FIBCD1: variants seen among roughly 807,000 people sequenced by gnomAD.
FIBCD1 encodes fibrinogen C domain-containing protein 1.
Under a neutral mutation model 45.1 loss-of-function variants are expected in FIBCD1, and 47 were observed. The ratio of observed to expected loss-of-function variants is 1.04; its 90% CI spans 0.82 to 1.33. The LOEUF (loss-of-function observed/expected upper bound fraction) is 1.33, where lower values mean the gene tolerates loss of function less well. FIBCD1 is among the 40% of genes most tolerant of loss of function. The pLI, the probability that FIBCD1 is intolerant of heterozygous loss-of-function variation, is 0.00. For synonymous variants in FIBCD1, 313 were observed against 308.1 expected (o/e 1.02, Z -0.17); for missense variants, 653 against 682.2 (o/e 0.96, Z 0.48).
At chr9:130,935,017 C>T (rs781187566) in intron 1 of FIBCD1, among the ~76,000 whole-genome samples, 1 of 152,120 alleles carries the variant, frequency 6.6e-6, no homozygotes, top group Non-Finnish European at 1.5e-5. Context: ...TTGTTCCCCC[C>T]GTGAGACTCT....
At chr9:130,908,428 T>C (rs1203101049) in intron 5 of FIBCD1, among the ~76,000 whole-genome samples, 1 of 152,194 alleles carries the variant, frequency 6.6e-6, no homozygotes, top group Admixed American at 6.5e-5. Context: ...GGGCATGCCT[T>C]GGCCCTGCCG....
intron 1 of FIBCD1, among the ~76,000 whole-genome samples, chr9:130,936,045 C>T (rs892143115): frequency 2.0e-5 from 3 of 152,140 alleles, no homozygotes; most frequent in African/African-American, 2.4e-5. Context: ...CAGGCTGCTG[C>T]GAGAGGCATC....
At chr9:130,923,091 A>G (rs1271789574) in intron 4 of FIBCD1, among the ~76,000 whole-genome samples, 3 of 152,144 alleles carry the variant, frequency 2.0e-5, no homozygotes, top group South Asian at 4.1e-4. Context: ...TGTCTGTCCA[A>G]CTGAAATGAA....
chr9:130,913,461 C>T (rs1379294643), intron 4 of FIBCD1, among the ~76,000 whole-genome samples: 1 of 150,142 alleles, frequency 6.7e-6, no homozygotes. Context: ...GAGCGTTTGC[C>T]AATGCTCTGA....
intron 4 of FIBCD1, among the ~76,000 whole-genome samples, chr9:130,920,747 G>A (rs976221993): frequency 1.3e-5 from 2 of 152,040 alleles, no homozygotes; most frequent in African/African-American, 2.4e-5. Flanking sequence ...AAGCCATACC[G>A]TCTCCCTGCC....
At chr9:130,910,596 G>A (rs908694135) in intron 5 of FIBCD1, among the ~76,000 whole-genome samples, 18 of 152,264 alleles carry the variant, frequency 1.2e-4, no homozygotes, top group Admixed American at 9.2e-4. Context: ...TGAGTCTGGT[G>A]GGGAGGTGGA....
At chr9:130,917,599 G>A (rs1027975115) in intron 4 of FIBCD1, among the ~76,000 whole-genome samples, 7 of 152,208 alleles carry the variant, frequency 4.6e-5, no homozygotes, top group African/African-American at 9.6e-5. Context: ...GTTGCATCCC[G>A]CCCAGGGCTG....
rs538526443 is a variant in FIBCD1, at chr9:130,924,530, C to T, written c.553-134G>A. 1.3e-5 allele frequency: 11 copies of T among 859,370 alleles called. No homozygotes were observed. The Admixed American group carries it at 2.3e-4, about 18-fold the overall frequency. 53.2% of individuals were successfully genotyped at this position (859,370 alleles called of 1,614,324 possible). ...GCTTCTGGCTCAAGGCCCCGCCCTG[C>T]CCTGCCCCTTGGGTCCCTGTCCAAG... On this transcript the variant is annotated intron_variant, in intron 2 of 6. Coordinates refer to ENST00000372338, the MANE Select transcript of FIBCD1 (RefSeq NM_032843.5).
chr9:130,904,369 AC>A (rs772395912), intron 6 of FIBCD1, 46 bp from the exon 7 acceptor site: 1 of 1,556,096 alleles, frequency 6.4e-7, no homozygotes, highest in South Asian at 1.2e-5. Context: ...GCACGGGTAC[AC>A]CCACTGGTGT....
chr9:130,917,334 C>T (rs187796136), intron 4 of FIBCD1, among the ~76,000 whole-genome samples: 5 of 152,324 alleles, frequency 3.3e-5, no homozygotes, highest in African/African-American at 9.6e-5. Flanking sequence ...AGAAGCCCGC[C>T]GCCCGGCGCA....
At chr9:130,923,598 CA>C in intron 4 of FIBCD1, 145 bp downstream of exon 4, 1 of 1,288,014 alleles carries the variant, frequency 7.8e-7, no homozygotes, top group Admixed American at 2.1e-5. Flanking sequence ...GGGGTCAGGC[CA>C]GGCAGAAGGG....
intron 5 of FIBCD1, 86 bp downstream of exon 5, chr9:130,911,706 C>T: frequency 7.9e-7 from 1 of 1,258,116 alleles, no homozygotes; most frequent in Non-Finnish European, 1.1e-6. Flanking sequence ...AGCCCAAACC[C>T]ATTCAGGGAG....
At chr9:130,907,626 G>A (rs1831952553) in intron 5 of FIBCD1, among the ~76,000 whole-genome samples, 1 of 152,216 alleles carries the variant, frequency 6.6e-6, no homozygotes, top group South Asian at 2.1e-4. Context: ...AAGCCTGGGC[G>A]CGGTGGCTTA....
chr9:130,910,454 C>T (rs1001073888), intron 5 of FIBCD1, among the ~76,000 whole-genome samples: 1 of 152,236 alleles, frequency 6.6e-6, no homozygotes, highest in Non-Finnish European at 1.5e-5. Context: ...CGAGCGCCAC[C>T]CCCTGCTCCA....
At chr9:130,907,954 TAAAA>T (rs1161462414) in intron 5 of FIBCD1, among the ~76,000 whole-genome samples, 1 of 131,444 alleles carries the variant, frequency 7.6e-6, no homozygotes, top group African/African-American at 2.8e-5. Flanking sequence ...AGAGGAGACT[TAAAA>T]AAAAAATAAA....
At chr9:130,919,095 C>T (rs993049956) in intron 4 of FIBCD1, among the ~76,000 whole-genome samples, 1 of 152,204 alleles carries the variant, frequency 6.6e-6, no homozygotes, top group African/African-American at 2.4e-5. Flanking sequence ...CACAGCACTG[C>T]CAAGCTGCCG....
chr9:130,909,911 T>G (rs903943030), intron 5 of FIBCD1, among the ~76,000 whole-genome samples: 3 of 152,214 alleles, frequency 2.0e-5, no homozygotes, highest in African/African-American at 7.2e-5. Flanking sequence ...TGCGGTTGCC[T>G]CCAGGCCCAA....
At position 130,924,174 on chromosome 9, in the gene FIBCD1, C is replaced by A. The variant is rs1293431770; in HGVS notation, c.712+63G>T. The stretch of plus-strand genomic sequence containing the variant: ...CATGGCTGGGGAACCCTCACCCCAA[C>A]TTCCCCGCTCCCCAGAGCTGGGACC... On this transcript the variant is annotated intron_variant, in intron 3 of 6. Coordinates refer to ENST00000372338, the MANE Select transcript of FIBCD1 (RefSeq NM_032843.5). 6.8e-6 allele frequency: 10 copies of A among 1,479,110 alleles called. No individual in the cohort carries two copies. The Admixed American group carries it at 2.1e-4, about 32-fold the overall frequency. The allele number at this position is 1,479,110 out of a possible 1,614,324, so 91.6% of individuals were successfully genotyped here.
intron 2 of FIBCD1, 44 bp downstream of exon 2, chr9:130,929,523 C>G: frequency 6.7e-7 from 1 of 1,486,944 alleles, no homozygotes; most frequent in Non-Finnish European, 8.9e-7. Context: ...CAGCACCAAC[C>G]CCTCGCCTCC....
Sources: allele counts gnomAD v4.1 joint callset (sites outside exome capture counted in the v4.1 genomes callset), GRCh38; gene constraint gnomAD v4.1.1; transcripts MANE v1.5; gene names NCBI Gene and HGNC (gene_info 2026-07-23, HGNC 2026-07-21).